The following PRDM15 variants were observed in gnomAD, a reference collection of about 807,000 sequenced individuals.
The protein encoded by PRDM15 is PR/SET domain 15.
A neutral mutation model predicts 128.6 loss-of-function variants in PRDM15; 64 were observed. The observed-to-expected ratio is 0.50, with a 90% CI of 0.41 to 0.61. PRDM15 has a LOEUF of 0.61. Among genes scored for constraint, PRDM15 ranks in the 20% least tolerant of loss-of-function variants. The pLI is 0.00. For missense variants in PRDM15, 1,242 were observed against 1,569.1 expected (o/e 0.79, Z 3.52); for synonymous variants, 615 against 621.8 (o/e 0.99, Z 0.16).
At chr21:41,823,081 C>T (rs2062338333) in intron 14 of PRDM15, 2 of 538,572 alleles carry the variant, frequency 3.7e-6, no homozygotes, top group Admixed American at 2.9e-5. Context: ...GAAGAGATCC[C>T]TACCCTTCTA....
intron 11 of PRDM15, among the ~76,000 whole-genome samples, chr21:41,833,471 C>G (rs552436170): frequency 1.3e-5 from 2 of 152,314 alleles, no homozygotes; most frequent in South Asian, 4.1e-4. Flanking sequence ...GGCGTGACTC[C>G]CACATTCTTG....
In PRDM15 at chr21:41,834,579, A is replaced by T. The variant is rs988165692; in HGVS notation, c.1366+858T>A. ...TGCTATGAGTCCTAGAGAGAGGGGGACACAAAGGCAACAGTGACTCACCCC... is the reference window on the plus strand; with the variant it reads ...TGCTATGAGTCCTAGAGAGAGGGGGTCACAAAGGCAACAGTGACTCACCCC... On this transcript the variant is annotated intron_variant, in intron 11 of 23. Transcript: ENST00000398548. 7 of 1,546,324 alleles carry T rather than the reference A, an allele frequency of 4.5e-6. No individual in the cohort carries two copies. In the Admixed American group the frequency reaches 7.8e-5, roughly 17 times the overall value.
rs1162939190 is a variant in PRDM15 at position 41,811,089 on chromosome 21, G to A, written c.2393-253C>T. 2.1e-6 allele frequency: 1 copy of A among 477,518 alleles called. No homozygotes were observed. The highest frequency in any genetic ancestry group is 1.9e-5 in the African/African-American group (1 of 51,680). 29.6% of individuals were successfully genotyped at this position (477,518 alleles called of 1,614,324 possible). A position where few individuals can be genotyped will look rare whatever the true frequency, so the allele number is the denominator to read the frequency against. On this transcript the variant is annotated intron_variant, in intron 19 of 23. Coordinates refer to ENST00000398548, the MANE Select transcript of PRDM15 (RefSeq NM_001040424.3). This position sits in a 1 kb window ranked among gnomAD's most constrained non-coding sequence, Gnocchi z 4.1. Reference sequence around the variant, plus strand: ...GTGGGAAAGGCTGTCTGAAAACACAGACAGAAAGTGGAACCCACATGTGGA... The same window carrying A: ...GTGGGAAAGGCTGTCTGAAAACACAAACAGAAAGTGGAACCCACATGTGGA...
At chr21:41,857,623 T>C (rs2063677743) in intron 3 of PRDM15, among the ~76,000 whole-genome samples, 1 of 152,118 alleles carries the variant, frequency 6.6e-6, no homozygotes, top group Admixed American at 6.6e-5. Context: ...TAGCTGGACA[T>C]GGTGGCATGT....
At position 41,822,159 on chromosome 21, in the gene PRDM15, G is replaced by A. The variant is rs543684600; in HGVS notation, c.1762-122C>T. On this transcript the variant is annotated intron_variant, in intron 14 of 23. Coordinates refer to ENST00000398548, the MANE Select transcript of PRDM15 (RefSeq NM_001040424.3). ...AGAAGAAAATGCCTCTCTGATGCCC[G>A]TGGCGCCCTAACGAGCTACACTTGT... 1.5e-5 allele frequency: 21 copies of A among 1,366,474 alleles called. 2 individuals carry two copies. In the South Asian group the frequency reaches 1.9e-4, roughly 12 times the overall value. The allele number at this position is 1,366,474 out of a possible 1,614,324, so 84.6% of individuals were successfully genotyped here.
chr21:41,869,725 G>T (rs189242861), intron 1 of PRDM15, among the ~76,000 whole-genome samples: 2 of 152,186 alleles, frequency 1.3e-5, no homozygotes, highest in Admixed American at 1.3e-4. Flanking sequence ...GATTACAGGC[G>T]TGAGCCACCA....
chr21:41,866,923 G>A (rs1453590150), intron 1 of PRDM15, among the ~76,000 whole-genome samples: 1 of 152,070 alleles, frequency 6.6e-6, no homozygotes, highest in Admixed American at 6.5e-5. Flanking sequence ...CACTCCCTGG[G>A]GAGACCCTAC....
chr21:41,836,301 C>T, intron 9 of PRDM15, 94 bp from the exon 10 acceptor site: 3 of 1,345,028 alleles, frequency 2.2e-6, no homozygotes, highest in Non-Finnish European at 3.1e-6. Context: ...AGCCGCCTCG[C>T]TCCCACCATG....
intron 1 of PRDM15, among the ~76,000 whole-genome samples, chr21:41,872,744 G>A (rs925724834): frequency 6.6e-6 from 1 of 152,172 alleles, no homozygotes; most frequent in Non-Finnish European, 1.5e-5. Context: ...GTCGGGGGAT[G>A]GTGAGGGCCA....
At chr21:41,874,502 C>CATACATAT (rs1555894590) in intron 1 of PRDM15, among the ~76,000 whole-genome samples, 3 of 118,672 alleles carry the variant, frequency 2.5e-5, no homozygotes, top group African/African-American at 9.3e-5. Context: ...AAGCAGCATG[C>CATACATAT]ATATATATAT....
At chr21:41,864,915 C>A (rs898187991) in intron 1 of PRDM15, among the ~76,000 whole-genome samples, 1 of 150,382 alleles carries the variant, frequency 6.6e-6, no homozygotes, top group African/African-American at 2.5e-5. Context: ...CCACGCTTCC[C>A]GGAACGCCAA....
At chr21:41,806,743 C>T (rs1223533332) in intron 21 of PRDM15, among the ~76,000 whole-genome samples, 1 of 143,558 alleles carries the variant, frequency 7.0e-6, no homozygotes, top group African/African-American at 2.7e-5. Flanking sequence ...CACCATACCA[C>T]CACCATCACC....
In PRDM15 at chr21:41,868,075, C is replaced by G. The variant is rs562311273; in HGVS notation, c.-9-7703G>C. On this transcript the variant is annotated intron_variant, in intron 1 of 23. Coordinates refer to ENST00000398548, the MANE Select transcript of PRDM15 (RefSeq NM_001040424.3). Reference sequence around the variant, plus strand: ...AAAAAGAATGTCATATAAATGAAATCAGACAGCCTGTGACCTTTGAGATTG... The same window carrying G: ...AAAAAGAATGTCATATAAATGAAATGAGACAGCCTGTGACCTTTGAGATTG... 3.3e-3 allele frequency among the ~76,000 whole-genome samples: 498 copies of G among 151,696 alleles called. 1 individual carries two copies. Among genetic ancestry groups the G allele is most frequent in the Middle Eastern group, 0.024 (7 of 294 alleles).
At position 41,815,130 on chromosome 21, in the gene PRDM15, T is replaced by C. The variant is rs531596181; in HGVS notation, c.2392+575A>G. ...TTATAAGAATGTCTTGTGTTAGAGA[T>C]GGCGCAGGCTGCTCTAGTGTTTTCT... On this transcript the variant is annotated intron_variant, in intron 19 of 23. Transcript: ENST00000398548. Among the ~76,000 whole-genome samples the C allele has an allele frequency of 2.3e-3, 349 of 151,800 alleles. 2 individuals carry two copies. The highest frequency in any genetic ancestry group is 3.9e-3 in the South Asian group (19 of 4,824).
At chr21:41,818,679 C>T (rs1353972313) in intron 18 of PRDM15, among the ~76,000 whole-genome samples, 1 of 152,134 alleles carries the variant, frequency 6.6e-6, no homozygotes, top group African/African-American at 2.4e-5. Flanking sequence ...CATGCAGCTC[C>T]TGTGTTTCCA....
intron 11 of PRDM15, among the ~76,000 whole-genome samples, chr21:41,833,771 T>C (rs2062775762): frequency 6.6e-6 from 1 of 152,232 alleles, no homozygotes; most frequent in South Asian, 2.1e-4. Context: ...AGGAAGCTGC[T>C]GCTGCCTTAG....
Position 41,821,842 on chromosome 21 carries a change from C to A in PRDM15, c.1896+61G>T. The A allele has an allele frequency of 1.1e-5, 18 of 1,604,304 alleles. No homozygotes were observed. The highest frequency in any genetic ancestry group is 1.4e-5 in the Non-Finnish European group (17 of 1,176,210). Reference sequence around the variant, plus strand: ...GGTGCCTGCTGTGTGGGGCCCACAGCCTTGAAACGACCACCTTCCTCTCCA... The same window carrying A: ...GGTGCCTGCTGTGTGGGGCCCACAGACTTGAAACGACCACCTTCCTCTCCA... On this transcript the variant is annotated intron_variant, in intron 15 of 23. Transcript: ENST00000398548. The surrounding 1 kb of genome is among the most constrained non-coding windows in gnomAD (Gnocchi z 5.4).
chr21:41,836,472 C>G lies in PRDM15; in HGVS notation c.1179G>C (p.Ser393=). 6.2e-7 allele frequency: 1 copy of G among 1,609,292 alleles called. No individual in the cohort carries two copies. The highest frequency in any genetic ancestry group is 1.1e-5 in the South Asian group (1 of 90,896). Residue 393 remains serine, a synonymous_variant, in exon 9 of 24, where the codon TCG becomes TCC. Transcript: ENST00000398548. ...NSSNLSRHVR[S]HGDKLFKCEE... ...AGCCGGGCCTCGCGGACTCACCATG[C>G]GAGCGCACGTGCCTGCTCAGGTTGC...
chr21:41,824,232 G>A (rs1047005453), intron 13 of PRDM15, among the ~76,000 whole-genome samples: 2 of 152,216 alleles, frequency 1.3e-5, no homozygotes, highest in African/African-American at 4.8e-5. Flanking sequence ...GGGAGAGGAT[G>A]CCGGCATCTC....
Sources: allele counts gnomAD v4.1 joint callset (sites outside exome capture counted in the v4.1 genomes callset), GRCh38; gene constraint gnomAD v4.1.1; non-coding constraint Gnocchi (gnomAD v3.1); transcripts MANE v1.5; gene names NCBI Gene and HGNC (gene_info 2026-07-23, HGNC 2026-07-21).